Variants in CDH13 observed in about 807,000 individuals in gnomAD.
CDH13 encodes cadherin-13.
In CDH13, 24 loss-of-function variants were observed where a neutral mutation model predicts 63.8. The ratio of observed to expected loss-of-function variants is 0.38; its 90% CI spans 0.27 to 0.53. The LOEUF is 0.53. CDH13 is among the 20% of genes least tolerant of loss of function. The pLI, the probability that CDH13 is intolerant of heterozygous loss-of-function variation, is 0.85. For missense variants in CDH13, 1,049 were observed against 903.1 expected, an observed-to-expected ratio of 1.16 and a Z score of -2.07; for synonymous variants, 503 against 355.3, an observed-to-expected ratio of 1.42 and a Z score of -4.67.
intron 1 of CDH13, among the ~76,000 whole-genome samples, chr16:82,763,349 A>T (rs1194952284): frequency 6.6e-6 from 1 of 152,048 alleles, no homozygotes; most frequent in Non-Finnish European, 1.5e-5. Flanking sequence ...TAAGTTGCTT[A>T]TTTTCCACCT....
chr16:83,431,584 A>C (rs1313398670), intron 6 of CDH13, among the ~76,000 whole-genome samples: 1 of 152,168 alleles, frequency 6.6e-6, no homozygotes, highest in Non-Finnish European at 1.5e-5. Flanking sequence ...TACAGGAAAC[A>C]CAATGCTGGC....
intron 10 of CDH13, among the ~76,000 whole-genome samples, chr16:83,710,718 ATTGTAATGAG>A (rs1907909353): frequency 6.6e-6 from 1 of 151,966 alleles, no homozygotes. Flanking sequence ...TAACAGGAAG[ATTGTAATGAG>A]TTAAAGTTCA....
intron 6 of CDH13, among the ~76,000 whole-genome samples, chr16:83,407,253 T>G (rs1027261321): frequency 2.0e-5 from 3 of 152,238 alleles, no homozygotes; most frequent in African/African-American, 7.2e-5. Context: ...AAACACAGTT[T>G]TTGCCTCCAG....
chr16:82,909,246 CTG>C (rs2041747501), intron 2 of CDH13, among the ~76,000 whole-genome samples: 1 of 115,316 alleles, frequency 8.7e-6, no homozygotes, highest in African/African-American at 3.6e-5. Flanking sequence ...TGAGGACTGA[CTG>C]TATATGTGTG....
At chr16:83,645,366 G>T (rs565092499) in intron 8 of CDH13, among the ~76,000 whole-genome samples, 1 of 152,112 alleles carries the variant, frequency 6.6e-6, no homozygotes, top group Non-Finnish European at 1.5e-5. Context: ...GAACATAAAC[G>T]TGGAAACAAT....
At chr16:82,929,651 CAAAAA>C (rs71146097) in intron 2 of CDH13, among the ~76,000 whole-genome samples, 7 of 44,270 alleles carry the variant, frequency 1.6e-4, no homozygotes, top group South Asian at 1.3e-3. Flanking sequence ...GACTCCATCT[CAAAAA>C]AAAAAAAAAA....
intron 2 of CDH13, among the ~76,000 whole-genome samples, chr16:82,866,471 C>T (rs1374876594): frequency 7.2e-6 from 1 of 139,082 alleles, no homozygotes; most frequent in African/African-American, 2.7e-5. Context: ...TCACTGCAAC[C>T]TCTGCCTCCC....
rs1249392048 is a variant in CDH13 at position 83,047,274 on chromosome 16, G to T, written c.366+15056G>T. Among the ~76,000 whole-genome samples, 1 of 152,234 alleles carries T rather than the reference G, an allele frequency of 6.6e-6. No individual in the cohort carries two copies. Among genetic ancestry groups the T allele is most frequent in the East Asian group, 1.9e-4 (1 of 5,182 alleles). ...ATTTATTTTTTTGGTAAAGGCCTCT[G>T]CTGTGAATTTAAGTCATCTAATCAA... On this transcript the variant is annotated intron_variant, in intron 3 of 13. Coordinates refer to ENST00000567109, the MANE Select transcript of CDH13 (RefSeq NM_001257.5). The surrounding 1 kb of genome is among the most constrained non-coding windows in gnomAD (Gnocchi z 4.9).
chr16:82,804,477 A>C (rs2037046309), intron 1 of CDH13, among the ~76,000 whole-genome samples: 1 of 152,220 alleles, frequency 6.6e-6, no homozygotes, highest in African/African-American at 2.4e-5. Flanking sequence ...AAGATACTTT[A>C]ATAAAGCTAT....
At chr16:83,492,127 G>A (rs187539617) in intron 7 of CDH13, among the ~76,000 whole-genome samples, 37 of 152,186 alleles carry the variant, frequency 2.4e-4, no homozygotes, top group African/African-American at 6.5e-4. Flanking sequence ...ATATTGTCAC[G>A]TAGCATGCAT....
At chr16:83,720,206 C>G (rs1304838292) in intron 10 of CDH13, among the ~76,000 whole-genome samples, 1 of 152,154 alleles carries the variant, frequency 6.6e-6, no homozygotes, top group East Asian at 1.9e-4. Context: ...CGTTCACACA[C>G]TTGTGCATGT....
chr16:82,944,594 G>A (rs557188812), intron 2 of CDH13, among the ~76,000 whole-genome samples: 1 of 152,214 alleles, frequency 6.6e-6, no homozygotes, highest in Admixed American at 6.5e-5. Flanking sequence ...GAAGGCCAGG[G>A]GTGGTGTTAA....
chr16:83,070,693 A>G (rs2032366618), intron 3 of CDH13, among the ~76,000 whole-genome samples: 1 of 152,186 alleles, frequency 6.6e-6, no homozygotes, highest in Non-Finnish European at 1.5e-5. Context: ...CTTCAATTAC[A>G]TTGAAGGGAA....
At chr16:83,341,554 C>G (rs980109167) in intron 5 of CDH13, among the ~76,000 whole-genome samples, 1 of 152,156 alleles carries the variant, frequency 6.6e-6, no homozygotes, top group African/African-American at 2.4e-5. Context: ...AAAACACAAA[C>G]ATTTCCTATT....
intron 6 of CDH13, among the ~76,000 whole-genome samples, chr16:83,453,247 A>G (rs2151513425): frequency 6.6e-6 from 1 of 152,314 alleles, no homozygotes; most frequent in South Asian, 2.1e-4. Flanking sequence ...GGGATAAAAG[A>G]CTACAAATTG....
intron 11 of CDH13, among the ~76,000 whole-genome samples, chr16:83,770,131 C>T (rs1296611463): frequency 3.3e-5 from 5 of 152,144 alleles, no homozygotes; most frequent in African/African-American, 1.2e-4. Flanking sequence ...CCAGGAGAAC[C>T]ACGCGTGGCT....
At chr16:83,386,187 T>C (rs1192423398) in intron 6 of CDH13, among the ~76,000 whole-genome samples, 3 of 152,214 alleles carry the variant, frequency 2.0e-5, no homozygotes, top group Non-Finnish European at 4.4e-5. Context: ...CAGAATCCCA[T>C]GGAAATCTTC....
intron 1 of CDH13, among the ~76,000 whole-genome samples, chr16:82,789,934 C>G (rs993538442): frequency 3.9e-5 from 6 of 152,134 alleles, no homozygotes; most frequent in African/African-American, 1.4e-4. Flanking sequence ...AGTAGGTGTT[C>G]TACAATCCTG....
At chr16:83,546,984 C>G (rs1008159304) in intron 7 of CDH13, among the ~76,000 whole-genome samples, 1 of 152,204 alleles carries the variant, frequency 6.6e-6, no homozygotes, top group South Asian at 2.1e-4. Flanking sequence ...CGGTCCTGAA[C>G]AGCCTGGCTT....
Sources: gnomAD v4.1 joint callset for allele counts (sites outside exome capture counted in the v4.1 genomes callset) on GRCh38, gnomAD v4.1.1 for gene constraint, Gnocchi (gnomAD v3.1) non-coding constraint, MANE v1.5 for transcripts, NCBI Gene and HGNC (gene_info 2026-07-23, HGNC 2026-07-21) for gene names.